PTPRN2: variants seen among roughly 807,000 people sequenced by gnomAD.
PTPRN2 encodes the protein receptor-type tyrosine-protein phosphatase N2.
PTPRN2 carries 74 observed loss-of-function variants against 118.8 expected under a neutral mutation model. That is an observed-to-expected ratio of 0.62 (90% CI 0.52 to 0.76). The LOEUF (loss-of-function observed/expected upper bound fraction) is 0.76, where lower values mean the gene tolerates loss of function less well. Ranked by LOEUF, PTPRN2 falls within the 30% of genes least tolerant of loss-of-function variation. PTPRN2 has a pLI of 0.00. For synonymous variants in PTPRN2, 641 were observed against 608.0 expected, an observed-to-expected ratio of 1.05 and a Z score of -0.80; for missense variants, 1,481 against 1,394.4, an observed-to-expected ratio of 1.06 and a Z score of -0.99.
intron 11 of PTPRN2, among the ~76,000 whole-genome samples, chr7:158,069,258 G>A (rs78458931): frequency 0.043 from 6,509 of 152,256 alleles, 415 homozygotes; most frequent in African/African-American, 0.14. Flanking sequence ...GCATGGTTGT[G>A]ACCATGGTTG....
chr7:158,381,178 A>T (rs953748915), intron 2 of PTPRN2, among the ~76,000 whole-genome samples: 1 of 152,142 alleles, frequency 6.6e-6, no homozygotes, highest in Admixed American at 6.5e-5. Context: ...ACTTAGGCAA[A>T]TTTCCACAGC....
intron 2 of PTPRN2, among the ~76,000 whole-genome samples, chr7:158,320,371 T>C (rs1802897438): frequency 6.6e-6 from 1 of 152,218 alleles, no homozygotes; most frequent in Non-Finnish European, 1.5e-5. Context: ...AGACTAACAG[T>C]GGCCGTGCCA....
chr7:158,261,945 G>A (rs560250663), intron 3 of PTPRN2, among the ~76,000 whole-genome samples: 5 of 152,216 alleles, frequency 3.3e-5, no homozygotes, highest in African/African-American at 7.2e-5. Flanking sequence ...CCTAAAGCCC[G>A]TGGTGGCTGC....
intron 14 of PTPRN2, among the ~76,000 whole-genome samples, chr7:157,637,515 C>T (rs1246829071): frequency 1.3e-5 from 2 of 152,160 alleles, no homozygotes; most frequent in Admixed American, 6.5e-5. Flanking sequence ...TTTCGTATCA[C>T]GATTTCTATG....
Position 158,144,729 on chromosome 7 carries a change from C to A in PTPRN2, c.911-6214G>T, listed in dbSNP as rs551225162. On this transcript the variant is annotated intron_variant, in intron 6 of 22. Coordinates refer to ENST00000389418, the MANE Select transcript of PTPRN2 (RefSeq NM_002847.5). ...CCAGGGCAGGCTGGCGCTTCTCCCACCACCCCGAGGGAAGAGGCTGCGGTC... is the reference window on the plus strand; with the variant it reads ...CCAGGGCAGGCTGGCGCTTCTCCCAACACCCCGAGGGAAGAGGCTGCGGTC... Among the ~76,000 whole-genome samples, 40 of 152,330 alleles carry A rather than the reference C, an allele frequency of 2.6e-4. 1 individual carries two copies. The South Asian group carries it at 8.3e-3, about 32-fold the overall frequency.
At chr7:158,277,264 A>G (rs1346321754) in intron 3 of PTPRN2, among the ~76,000 whole-genome samples, 1 of 152,196 alleles carries the variant, frequency 6.6e-6, no homozygotes, top group African/African-American at 2.4e-5. Flanking sequence ...ATCGGCCTCC[A>G]GCCTCCTCGG....
At position 158,391,973 on chromosome 7, in the gene PTPRN2, G is replaced by T. The variant is rs577044214; in HGVS notation, c.164-75041C>A. Among the ~76,000 whole-genome samples the T allele has an allele frequency of 2.0e-5, 3 of 152,328 alleles. No homozygotes were observed. In the South Asian group the frequency reaches 6.2e-4, roughly 32 times the overall value. Reference sequence around the variant, plus strand: ...CCTGTGAGTCGAGAGTCCTCCACCAGGCCCCCAGGGTGGCTTCAGGAGGGA... The same window carrying T: ...CCTGTGAGTCGAGAGTCCTCCACCATGCCCCCAGGGTGGCTTCAGGAGGGA... On this transcript the variant is annotated intron_variant, in intron 2 of 22. Coordinates refer to ENST00000389418, the MANE Select transcript of PTPRN2 (RefSeq NM_002847.5).
Position 157,766,876 on chromosome 7 carries a change from A to T in PTPRN2, c.1789-83939T>A, listed in dbSNP as rs1802517653. 2.0e-5 allele frequency among the ~76,000 whole-genome samples: 3 copies of T among 152,164 alleles called. No homozygotes were observed. The South Asian group carries it at 6.2e-4, about 32-fold the overall frequency. ...CTCTACTTGTAGTTGATGGCACCAG[A>T]AATGGTCTTTTCTGGGCTTATGTCT... On this transcript the variant is annotated intron_variant, in intron 12 of 22. Coordinates refer to ENST00000389418, the MANE Select transcript of PTPRN2 (RefSeq NM_002847.5).
chr7:158,217,520 C>T (rs916015776), intron 3 of PTPRN2, among the ~76,000 whole-genome samples: 1 of 152,176 alleles, frequency 6.6e-6, no homozygotes, highest in African/African-American at 2.4e-5. Context: ...GAGAAAACAG[C>T]ACAAGAACTC....
In PTPRN2 at chr7:158,341,512, C is replaced by T. The variant is rs373572405; in HGVS notation, c.164-24580G>A. On this transcript the variant is annotated intron_variant, in intron 2 of 22. Coordinates refer to ENST00000389418, the MANE Select transcript of PTPRN2 (RefSeq NM_002847.5). Reference sequence around the variant, plus strand: ...TAATTGGTGACACGTGCAGACGTCACTCACACCCACACTCTCACCATAAGA... The same window carrying T: ...TAATTGGTGACACGTGCAGACGTCATTCACACCCACACTCTCACCATAAGA... Among the ~76,000 whole-genome samples, 32 of 117,626 alleles carry T rather than the reference C, an allele frequency of 2.7e-4. No individual in the cohort carries two copies. The East Asian group carries it at 3.1e-3, about 11-fold the overall frequency. The allele number at this position is 117,626 out of a possible 152,430, so 77.2% of individuals were successfully genotyped here.
rs1418984270 is a variant in PTPRN2, at chr7:158,070,342, CGTG to C, written c.1723+10953_1723+10955del. ...GAGGTGCTCGTGGTGTGGAGGTGCC[CGTG>C]GTGGTGGAGGTGCCCCTGGTGGTGG... On this transcript the variant is annotated intron_variant, in intron 11 of 22. Coordinates refer to ENST00000389418, the MANE Select transcript of PTPRN2 (RefSeq NM_002847.5). Among the ~76,000 whole-genome samples the C allele has an allele frequency of 4.5e-4, 56 of 123,750 alleles. 1 individual carries two copies. The highest frequency in any genetic ancestry group is 7.7e-4 in the Non-Finnish European group (46 of 59,400). 81.2% of individuals were successfully genotyped at this position (123,750 alleles called of 152,430 possible).
chr7:157,856,914 G>A (rs1404155900), intron 12 of PTPRN2, among the ~76,000 whole-genome samples: 2 of 152,180 alleles, frequency 1.3e-5, no homozygotes, highest in African/African-American at 4.8e-5. Context: ...ACCCAACTGT[G>A]TAGCAGACTT....
chr7:158,105,529 C>T (rs1484381543), intron 10 of PTPRN2, among the ~76,000 whole-genome samples: 1 of 151,882 alleles, frequency 6.6e-6, no homozygotes, highest in African/African-American at 2.4e-5. Flanking sequence ...CAGCTCTACC[C>T]CAGGTACATC....
chr7:157,589,897 C>T (rs1314248030), intron 17 of PTPRN2, among the ~76,000 whole-genome samples: 1 of 152,232 alleles, frequency 6.6e-6, no homozygotes, highest in African/African-American at 2.4e-5. Context: ...GAAGAGGGAG[C>T]TTGTGGGTGG....
intron 2 of PTPRN2, among the ~76,000 whole-genome samples, chr7:158,369,173 C>T (rs1354210125): frequency 2.6e-5 from 4 of 151,724 alleles, no homozygotes; most frequent in Non-Finnish European, 1.5e-5. Context: ...GCCTTGGGAC[C>T]TGGACTGGCT....
chr7:158,187,957 G>A (rs570122494), intron 5 of PTPRN2, among the ~76,000 whole-genome samples: 45 of 152,250 alleles, frequency 3.0e-4, no homozygotes, highest in African/African-American at 1.0e-3. Context: ...CGGTGCCCAC[G>A]CCCCTCTCCC....
chr7:158,316,805 C>T lies in PTPRN2; in HGVS notation c.277+14G>A. On this transcript the variant is annotated intron_variant, in intron 3 of 22. Transcript: ENST00000389418. ...GTGCGGCAGCCGCCGAGCCTCGGCCCACGCCCGCCCTACCTGTGCCGGAAA... is the reference window on the plus strand; with the variant it reads ...GTGCGGCAGCCGCCGAGCCTCGGCCTACGCCCGCCCTACCTGTGCCGGAAA... 1 of 1,580,844 alleles carries T rather than the reference C, an allele frequency of 6.3e-7. No individual in the cohort carries two copies. Among genetic ancestry groups the T allele is most frequent in the South Asian group, 1.1e-5 (1 of 88,132 alleles).
intron 9 of PTPRN2, among the ~76,000 whole-genome samples, chr7:158,127,651 C>T (rs901638533): frequency 2.0e-5 from 3 of 152,182 alleles, no homozygotes; most frequent in South Asian, 2.1e-4. Flanking sequence ...TCAGCGTGGT[C>T]GTTCCGCAGA....
chr7:157,736,919 T>G (rs1479253905), intron 12 of PTPRN2, among the ~76,000 whole-genome samples: 1 of 152,112 alleles, frequency 6.6e-6, no homozygotes, highest in East Asian at 1.9e-4. Context: ...GAAAAGCTCC[T>G]CTCCGTCCTG....
Sources: gnomAD v4.1 joint callset for allele counts (sites outside exome capture counted in the v4.1 genomes callset) on GRCh38, gnomAD v4.1.1 for gene constraint, MANE v1.5 for transcripts, NCBI Gene and HGNC (gene_info 2026-07-23, HGNC 2026-07-21) for gene names.